Variants in TRPC6 observed in about 807,000 individuals in gnomAD.
The protein encoded by TRPC6 is short transient receptor potential channel 6.
A neutral mutation model predicts 90.7 loss-of-function variants in TRPC6; 55 were observed. That is an observed-to-expected ratio of 0.61 (90% CI 0.49 to 0.76). The LOEUF (loss-of-function observed/expected upper bound fraction) is 0.76. Ranked by LOEUF, TRPC6 falls within the 30% of genes least tolerant of loss-of-function variation. The probability of loss-of-function intolerance (pLI) is 0.00; values close to 1 mark genes in which losing one functional copy is unlikely to be tolerated. For missense variants in TRPC6, 989 were observed against 1,122.7 expected, an observed-to-expected ratio of 0.88 and a Z score of 1.70; for synonymous variants, 393 against 393.0, an observed-to-expected ratio of 1.00 and a Z score of 0.00.
At chr11:101,472,406 G>T (rs777569790) in intron 7 of TRPC6, 74 bp from the exon 8 acceptor site, 5 of 1,450,190 alleles carry the variant, frequency 3.4e-6, no homozygotes, top group Non-Finnish European at 4.7e-6. Context: ...TAATAAAAGT[G>T]AGTTTGTTTA....
intron 1 of TRPC6, among the ~76,000 whole-genome samples, chr11:101,530,825 A>T (rs1860896239): frequency 6.6e-6 from 1 of 152,212 alleles, no homozygotes; most frequent in African/African-American, 2.4e-5. Context: ...CCACAAAATA[A>T]GATATTTAAT....
At chr11:101,481,001 T>C (rs1299025548) in intron 5 of TRPC6, among the ~76,000 whole-genome samples, 1 of 149,728 alleles carries the variant, frequency 6.7e-6, no homozygotes, top group Admixed American at 6.6e-5. Flanking sequence ...TTTATGCCAC[T>C]ATCCATATTT....
In TRPC6 at chr11:101,503,671, C is replaced by T. The variant is rs557891035; in HGVS notation, c.945+353G>A. Among the ~76,000 whole-genome samples, 5 of 152,088 alleles carry T rather than the reference C, an allele frequency of 3.3e-5. No individual in the cohort carries two copies. In the South Asian group the frequency reaches 8.3e-4, roughly 25 times the overall value. Reference sequence around the variant, plus strand: ...CCTGGGCTTTTCAGAGTGCAGTATACCTGGATTCTGAACCCAGCTGTGTTA... The same window carrying T: ...CCTGGGCTTTTCAGAGTGCAGTATATCTGGATTCTGAACCCAGCTGTGTTA... On this transcript the variant is annotated intron_variant, in intron 2 of 12. Coordinates refer to ENST00000344327, the MANE Select transcript of TRPC6 (RefSeq NM_004621.6).
At chr11:101,516,229 T>A (rs935273116) in intron 1 of TRPC6, among the ~76,000 whole-genome samples, 1 of 152,156 alleles carries the variant, frequency 6.6e-6, no homozygotes, top group Non-Finnish European at 1.5e-5. Flanking sequence ...CCCTCTTAAG[T>A]TCATGCTAGC....
chr11:101,485,282 T>C (rs527236875), intron 4 of TRPC6, among the ~76,000 whole-genome samples: 1 of 152,214 alleles, frequency 6.6e-6, no homozygotes, highest in East Asian at 1.9e-4. Flanking sequence ...ATTTTTGTTT[T>C]TTTTTTTAGA....
chr11:101,552,780 T>C (rs1229582016), intron 1 of TRPC6, among the ~76,000 whole-genome samples: 3 of 152,114 alleles, frequency 2.0e-5, no homozygotes, highest in African/African-American at 4.8e-5. Context: ...ATACATCTTA[T>C]AGCCGCTCAG....
intron 8 of TRPC6, 61 bp downstream of exon 8, chr11:101,472,076 T>C (rs1859305178): frequency 7.3e-6 from 11 of 1,515,432 alleles, no homozygotes; most frequent in Middle Eastern, 4.7e-4. Context: ...CATTGCTGAG[T>C]TAGCCCTTGG....
At position 101,452,415 on chromosome 11, in the gene TRPC6, A is replaced by C. The variant is rs1420563975; in HGVS notation, c.*540T>G. ...CATAGATGTAAGACCATTTTGTATG[A>C]ACGGTATCAATCATGTGCATTGAGG... On this transcript the variant is annotated 3_prime_UTR_variant, in exon 13 of 13. Transcript: ENST00000344327. The C allele has an allele frequency of 6.4e-6, 1 of 155,928 alleles. No homozygotes were observed. The highest frequency in any genetic ancestry group is 1.4e-5 in the Non-Finnish European group (1 of 70,212). 9.7% of individuals were successfully genotyped at this position (155,928 alleles called of 1,614,324 possible).
chr11:101,534,359 C>T (rs2136804847), intron 1 of TRPC6, among the ~76,000 whole-genome samples: 1 of 152,270 alleles, frequency 6.6e-6, no homozygotes, highest in South Asian at 2.1e-4. Context: ...TGGTCTCGAA[C>T]TCCTGACCTC....
intron 2 of TRPC6, among the ~76,000 whole-genome samples, chr11:101,499,428 GAA>G: frequency 6.6e-6 from 1 of 151,232 alleles, no homozygotes; most frequent in East Asian, 2.0e-4. Flanking sequence ...ATCATATCTA[GAA>G]ATATTTATTC....
intron 7 of TRPC6, 119 bp from the exon 8 acceptor site, chr11:101,472,451 T>G: frequency 4.2e-6 from 4 of 953,442 alleles, no homozygotes; most frequent in Non-Finnish European, 4.6e-6. Flanking sequence ...AAAAAATTCT[T>G]CACTTCTCTG....
chr11:101,456,336 G>A (rs1400056037), intron 10 of TRPC6, among the ~76,000 whole-genome samples: 2 of 152,254 alleles, frequency 1.3e-5, no homozygotes, highest in East Asian at 3.9e-4. Flanking sequence ...TTATGAATTT[G>A]TGAAATGCAT....
At chr11:101,548,207 T>G (rs563963478) in intron 1 of TRPC6, among the ~76,000 whole-genome samples, 2 of 147,636 alleles carry the variant, frequency 1.4e-5, no homozygotes, top group South Asian at 4.2e-4. Context: ...GCATTTAAAA[T>G]TTATCATCTC....
At chr11:101,496,181 A>T (rs1859944581) in intron 2 of TRPC6, among the ~76,000 whole-genome samples, 2 of 152,134 alleles carry the variant, frequency 1.3e-5, no homozygotes, top group African/African-American at 4.8e-5. Context: ...GCAAGAGGAA[A>T]ATCCATCCCC....
At chr11:101,488,605 AG>A (rs1251780017) in intron 4 of TRPC6, among the ~76,000 whole-genome samples, 8 of 152,236 alleles carry the variant, frequency 5.3e-5, no homozygotes, top group Non-Finnish European at 1.2e-4. Flanking sequence ...GAAATATAAA[AG>A]TATATGCATA....
chr11:101,459,929 G>C (rs1858967157), intron 10 of TRPC6, among the ~76,000 whole-genome samples: 1 of 152,132 alleles, frequency 6.6e-6, no homozygotes, highest in Non-Finnish European at 1.5e-5. Context: ...CAATATGCTT[G>C]TGTGATGGGT....
rs71056617 is a variant in TRPC6, at chr11:101,500,065, GTA to G, written c.945+3957_945+3958del. ...TATACAATATAAAATATGTGTGTGT[GTA>G]TATATATATATACACACACACAATT... On this transcript the variant is annotated intron_variant, in intron 2 of 12. Transcript: ENST00000344327. 2.7e-3 allele frequency among the ~76,000 whole-genome samples: 118 copies of G among 43,274 alleles called. 15 individuals carry two copies. The highest frequency in any genetic ancestry group is 5.8e-3 in the South Asian group (11 of 1,910). 28.4% of individuals were successfully genotyped at this position (43,274 alleles called of 152,430 possible). A position where few individuals can be genotyped will look rare whatever the true frequency, so the allele number is the denominator to read the frequency against.
chr11:101,583,725 TTGACC>T lies in TRPC6; in HGVS notation c.-227_-223del. 2.1e-6 allele frequency: 1 copy of T among 469,698 alleles called. No homozygotes were observed. Among genetic ancestry groups the T allele is most frequent in the Non-Finnish European group, 3.6e-6 (1 of 275,080 alleles). 29.1% of individuals were successfully genotyped at this position (469,698 alleles called of 1,614,324 possible). A position where few individuals can be genotyped will look rare whatever the true frequency, so the allele number is the denominator to read the frequency against. ...CACTTAAGGGGGTGCAAAGAGGATCTTGACCTGAGCAGGTCAGGCCGAGGAGACCC... is the reference window on the plus strand; with the variant it reads ...CACTTAAGGGGGTGCAAAGAGGATCTTGAGCAGGTCAGGCCGAGGAGACCC... On this transcript the variant is annotated 5_prime_UTR_variant, in exon 1 of 13. Transcript: ENST00000344327.
At chr11:101,472,401 A>G in intron 7 of TRPC6, 69 bp from the exon 8 acceptor site, 1 of 1,470,286 alleles carries the variant, frequency 6.8e-7, no homozygotes, top group South Asian at 1.3e-5. Context: ...TACCATAATA[A>G]AAGTGAGTTT....
Sources: gnomAD v4.1 joint callset for allele counts (sites outside exome capture counted in the v4.1 genomes callset) on GRCh38, gnomAD v4.1.1 for gene constraint, MANE v1.5 for transcripts, NCBI Gene and HGNC (gene_info 2026-07-23, HGNC 2026-07-21) for gene names.